Variants in TNNI3K observed in about 807,000 individuals in gnomAD.
TNNI3K encodes the protein TNNI3 interacting kinase.
In TNNI3K, 140 loss-of-function variants were observed where a neutral mutation model predicts 114.5. The ratio of observed to expected loss-of-function variants is 1.22; its 90% CI spans 1.07 to 1.41. The LOEUF is 1.41. TNNI3K is among the 40% of genes most tolerant of loss of function. The pLI is 0.00. For synonymous variants in TNNI3K, 347 were observed against 347.5 expected, an observed-to-expected ratio of 1.00 and a Z score of 0.02; for missense variants, 1,125 against 1,007.6, an observed-to-expected ratio of 1.12 and a Z score of -1.58.
intron 24 of TNNI3K, among the ~76,000 whole-genome samples, chr1:74,541,794 C>A (rs1444295173): frequency 2.0e-5 from 3 of 152,154 alleles, no homozygotes; most frequent in Non-Finnish European, 2.9e-5. Flanking sequence ...TACCTATAAA[C>A]AAAGAAGATA....
intron 17 of TNNI3K, chr1:74,418,072 A>G (rs1421490985): frequency 7.7e-6 from 3 of 390,322 alleles, no homozygotes; most frequent in African/African-American, 6.4e-5. Flanking sequence ...TGACTCTTAC[A>G]TTCAAGCAAT....
intron 17 of TNNI3K, among the ~76,000 whole-genome samples, chr1:74,405,027 G>A (rs1247437700): frequency 6.6e-6 from 1 of 152,186 alleles, no homozygotes; most frequent in African/African-American, 2.4e-5. Context: ...AGACCATTGA[G>A]TGAACTGACA....
At chr1:74,499,334 C>CA (rs1669491309) in intron 23 of TNNI3K, among the ~76,000 whole-genome samples, 1 of 152,126 alleles carries the variant, frequency 6.6e-6, no homozygotes, top group Non-Finnish European at 1.5e-5. Context: ...TTTGTAGAAA[C>CA]AGAGTTTTAC....
At chr1:74,505,165 G>A (rs1353786735) in intron 23 of TNNI3K, among the ~76,000 whole-genome samples, 6 of 152,152 alleles carry the variant, frequency 3.9e-5, no homozygotes, top group East Asian at 3.9e-4. Context: ...TGGCAGTTGC[G>A]TGTGTGTACA....
chr1:74,435,572 A>G (rs1247908650), intron 17 of TNNI3K, among the ~76,000 whole-genome samples: 1 of 152,018 alleles, frequency 6.6e-6, no homozygotes, highest in Non-Finnish European at 1.5e-5. Context: ...ACAGATCTCA[A>G]AACACTCCTT....
chr1:74,240,380 A>G (rs1169541156), intron 2 of TNNI3K: 1 of 152,678 alleles, frequency 6.5e-6, no homozygotes, highest in Non-Finnish European at 1.5e-5. Flanking sequence ...ATTATTGTTT[A>G]TGTTAACAAC....
At chr1:74,283,348 A>G (rs968265469) in intron 5 of TNNI3K, among the ~76,000 whole-genome samples, 1 of 152,186 alleles carries the variant, frequency 6.6e-6, no homozygotes, top group East Asian at 1.9e-4. Flanking sequence ...AAGATCATAG[A>G]TCATGTATTA....
At chr1:74,469,137 A>G (rs1667796459) in intron 21 of TNNI3K, 1 of 152,568 alleles carries the variant, frequency 6.6e-6, no homozygotes, top group Admixed American at 6.6e-5. Context: ...TTTGTTCAGG[A>G]TCCATTGTGT....
chr1:74,315,944 G>T (rs901008969), intron 5 of TNNI3K, among the ~76,000 whole-genome samples: 1 of 152,082 alleles, frequency 6.6e-6, no homozygotes, highest in African/African-American at 2.4e-5. Context: ...GATAATTGTA[G>T]AAATTGAAAG....
At chr1:74,523,256 C>A (rs181616947) in intron 23 of TNNI3K, among the ~76,000 whole-genome samples, 1 of 152,184 alleles carries the variant, frequency 6.6e-6, no homozygotes, top group East Asian at 1.9e-4. Context: ...CCTATGATTT[C>A]AAAAAACACA....
intron 17 of TNNI3K, among the ~76,000 whole-genome samples, chr1:74,428,505 G>A (rs547199171): frequency 6.6e-6 from 1 of 152,188 alleles, no homozygotes; most frequent in South Asian, 2.1e-4. Context: ...GGTAAGGAGG[G>A]GAGTGCCCTG....
intron 7 of TNNI3K, among the ~76,000 whole-genome samples, chr1:74,338,716 G>A (rs1300108263): frequency 6.6e-6 from 1 of 152,094 alleles, no homozygotes; most frequent in African/African-American, 2.4e-5. Flanking sequence ...AGAGACAACC[G>A]TGGCAAGAGA....
At chr1:74,275,067 A>G (rs1656592330) in intron 5 of TNNI3K, among the ~76,000 whole-genome samples, 1 of 152,090 alleles carries the variant, frequency 6.6e-6, no homozygotes, top group African/African-American at 2.4e-5. Context: ...TAGAAACATA[A>G]TAATGTAGAG....
Position 74,538,706 on chromosome 1 carries a change from G to A in TNNI3K, c.2352-1528G>A, listed in dbSNP as rs1267509729. 2.0e-5 allele frequency among the ~76,000 whole-genome samples: 3 copies of A among 152,134 alleles called. No individual in the cohort carries two copies. In the South Asian group the frequency reaches 6.2e-4, roughly 32 times the overall value. On this transcript the variant is annotated intron_variant, in intron 23 of 24. Coordinates refer to ENST00000326637, the MANE Select transcript of TNNI3K (RefSeq NM_015978.3). ...AACTGAGGCCTAAATTGCAGAGGAG[G>A]CAGTCATAGATGAAGGCAGGGCAAG...
intron 5 of TNNI3K, among the ~76,000 whole-genome samples, chr1:74,319,467 C>T (rs556835603): frequency 6.6e-6 from 1 of 152,180 alleles, no homozygotes; most frequent in Non-Finnish European, 1.5e-5. Context: ...ATATTTTATC[C>T]AAGACAATAT....
intron 5 of TNNI3K, among the ~76,000 whole-genome samples, chr1:74,315,490 T>TC (rs1659255058): frequency 6.6e-6 from 1 of 152,054 alleles, no homozygotes; most frequent in Non-Finnish European, 1.5e-5. Context: ...GATGGAGACT[T>TC]GGTTTGGTAA....
Position 74,342,696 on chromosome 1 carries a change from G to A in TNNI3K, c.683-146G>A, listed in dbSNP as rs998692328. ...AACATTAAAATTTTAAAAATTGGTCGCCCTTAATTTCCTTTATGATTATCA... is the reference window on the plus strand; with the variant it reads ...AACATTAAAATTTTAAAAATTGGTCACCCTTAATTTCCTTTATGATTATCA... On this transcript the variant is annotated intron_variant, in intron 7 of 24. Transcript: ENST00000326637. The A allele has an allele frequency of 3.0e-5, 30 of 1,004,048 alleles. No homozygotes were observed. The African/African-American group carries it at 3.3e-4, about 11-fold the overall frequency. 62.2% of individuals were successfully genotyped at this position (1,004,048 alleles called of 1,614,324 possible). A position where few individuals can be genotyped will look rare whatever the true frequency, so the allele number is the denominator to read the frequency against.
At chr1:74,505,055 G>A (rs574861885) in intron 23 of TNNI3K, among the ~76,000 whole-genome samples, 151 of 152,270 alleles carry the variant, frequency 9.9e-4, no homozygotes, top group African/African-American at 3.4e-3. Context: ...AGTTCTATGA[G>A]GTTTTCATTC....
chr1:74,534,518 G>A (rs1290563333), intron 23 of TNNI3K, among the ~76,000 whole-genome samples: 1 of 152,188 alleles, frequency 6.6e-6, no homozygotes, highest in Admixed American at 6.5e-5. Context: ...TGTTTTTAAG[G>A]CTCTAAATGG....
Sources: allele counts gnomAD v4.1 joint callset (sites outside exome capture counted in the v4.1 genomes callset), GRCh38; gene constraint gnomAD v4.1.1; transcripts MANE v1.5; gene names NCBI Gene and HGNC (gene_info 2026-07-23, HGNC 2026-07-21).